The following PTPRK variants were observed in gnomAD, a reference collection of about 807,000 sequenced individuals.
PTPRK encodes protein tyrosine phosphatase receptor type K, also known as receptor-type tyrosine-protein phosphatase kappa.
PTPRK carries 75 observed loss-of-function variants against 178.0 expected under a neutral mutation model. That is an observed-to-expected ratio of 0.42 (90% CI 0.35 to 0.51). The LOEUF is 0.51. Among genes scored for constraint, PTPRK ranks in the 20% least tolerant of loss-of-function variants. The pLI is 0.02. For missense variants in PTPRK, 1,441 were observed against 1,797.8 expected, an observed-to-expected ratio of 0.80 and a Z score of 3.59; for synonymous variants, 637 against 620.6, an observed-to-expected ratio of 1.03 and a Z score of -0.39.
chr6:128,516,763 G>C (rs368007944), intron 1 of PTPRK, among the ~76,000 whole-genome samples: 2 of 152,156 alleles, frequency 1.3e-5, no homozygotes, highest in South Asian at 4.2e-4. Context: ...CTAGGTCATT[G>C]ATAAGACTGC....
intron 1 of PTPRK, among the ~76,000 whole-genome samples, chr6:128,399,500 A>G (rs1840751757): frequency 6.6e-6 from 1 of 152,236 alleles, no homozygotes; most frequent in South Asian, 2.1e-4. Flanking sequence ...TCATTAAAAA[A>G]GATGTACTTT....
At chr6:128,160,581 T>C (rs1415431137) in intron 7 of PTPRK, among the ~76,000 whole-genome samples, 1 of 151,656 alleles carries the variant, frequency 6.6e-6, no homozygotes, top group Non-Finnish European at 1.5e-5. Flanking sequence ...AGCAACTCTT[T>C]TCATTAGCCA....
At chr6:128,182,563 G>A (rs2114690064) in intron 7 of PTPRK, among the ~76,000 whole-genome samples, 1 of 152,140 alleles carries the variant, frequency 6.6e-6, no homozygotes, top group South Asian at 2.1e-4. Context: ...AATAGAGCAA[G>A]ACAAAAAAGC....
chr6:128,177,956 C>A (rs1182423017), intron 7 of PTPRK, among the ~76,000 whole-genome samples: 1 of 151,688 alleles, frequency 6.6e-6, no homozygotes, highest in Non-Finnish European at 1.5e-5. Flanking sequence ...CATTTTAATA[C>A]CTCCATCTGT....
intron 14 of PTPRK, 104 bp from the exon 15 acceptor site, chr6:128,005,348 C>A: frequency 8.6e-7 from 1 of 1,168,068 alleles, no homozygotes; most frequent in Non-Finnish European, 1.2e-6. Context: ...ATGTTACAAA[C>A]ATGGTTTAGA....
At chr6:128,199,236 T>A (rs1392947943) in intron 6 of PTPRK, among the ~76,000 whole-genome samples, 1 of 152,022 alleles carries the variant, frequency 6.6e-6, no homozygotes, top group Non-Finnish European at 1.5e-5. Flanking sequence ...ATCAGAAAAA[T>A]GAATAAATTG....
intron 1 of PTPRK, among the ~76,000 whole-genome samples, chr6:128,400,102 C>G (rs1195141173): frequency 6.6e-6 from 1 of 151,884 alleles, no homozygotes; most frequent in Non-Finnish European, 1.5e-5. Flanking sequence ...GCAAAAATAA[C>G]TGGACTGATA....
intron 13 of PTPRK, among the ~76,000 whole-genome samples, chr6:128,021,648 A>AT (rs1773536975): frequency 6.7e-6 from 1 of 149,182 alleles, no homozygotes; most frequent in Non-Finnish European, 1.5e-5. Flanking sequence ...TCAAAAAAAA[A>AT]GAAAGAAAGT....
chr6:128,168,528 G>A (rs1240819830), intron 7 of PTPRK, among the ~76,000 whole-genome samples: 1 of 152,044 alleles, frequency 6.6e-6, no homozygotes, highest in Admixed American at 6.6e-5. Context: ...CAGGAGGTGA[G>A]CGGAAGGCAA....
At chr6:128,298,770 A>T (rs1039562235) in intron 3 of PTPRK, among the ~76,000 whole-genome samples, 2 of 152,158 alleles carry the variant, frequency 1.3e-5, no homozygotes. Flanking sequence ...ATCATACTGA[A>T]TGGGCAAAAA....
chr6:128,144,709 TTGTTTA>T (rs1421418038), intron 7 of PTPRK, among the ~76,000 whole-genome samples: 2 of 152,146 alleles, frequency 1.3e-5, no homozygotes, highest in African/African-American at 2.4e-5. Context: ...GACAAGGACT[TTGTTTA>T]CTACTGAGTT....
At chr6:128,380,169 C>G (rs891413419) in intron 2 of PTPRK, among the ~76,000 whole-genome samples, 2 of 152,004 alleles carry the variant, frequency 1.3e-5, no homozygotes, top group African/African-American at 4.8e-5. Flanking sequence ...AAAAAACCTA[C>G]AGATATTAGC....
chr6:128,464,798 T>C (rs991923489), intron 1 of PTPRK, among the ~76,000 whole-genome samples: 2 of 149,990 alleles, frequency 1.3e-5, no homozygotes, highest in African/African-American at 4.9e-5. Context: ...ATGTTATTTT[T>C]TTTTAATTTA....
chr6:127,990,900 G>T lies in PTPRK; in HGVS notation c.2980-15C>A. On this transcript the variant is annotated splice_polypyrimidine_tract_variant and intron_variant, in intron 20 of 29. Coordinates refer to ENST00000368226, the MANE Select transcript of PTPRK (RefSeq NM_002844.4). ...TAGCATTTAACCTAAGTGACAAAAA[G>T]AATATATAGACAGACCTGAATATAT... 2.1e-6 allele frequency: 3 copies of T among 1,456,944 alleles called. No homozygotes were observed. Among genetic ancestry groups the T allele is most frequent in the Non-Finnish European group, 2.9e-6 (3 of 1,037,754 alleles). The allele number at this position is 1,456,944 out of a possible 1,614,324, so 90.3% of individuals were successfully genotyped here. A position where few individuals can be genotyped will look rare whatever the true frequency, so the allele number is the denominator to read the frequency against.
chr6:128,242,382 T>C (rs1319950822), intron 4 of PTPRK, 139 bp downstream of exon 4: 3 of 1,169,900 alleles, frequency 2.6e-6, no homozygotes, highest in Non-Finnish European at 3.4e-6. Context: ...CAGTTTCCTT[T>C]TAAAACTCAA....
chr6:127,991,581 GTT>G (rs55842054), intron 19 of PTPRK, among the ~76,000 whole-genome samples, 190 bp from the exon 20 acceptor site: 22,402 of 135,306 alleles, frequency 0.17, 1,920 homozygotes, highest in East Asian at 0.33. Flanking sequence ...GCATATACAA[GTT>G]TTTTTTTTTT....
intron 2 of PTPRK, among the ~76,000 whole-genome samples, chr6:128,353,417 G>T (rs943412990): frequency 6.6e-6 from 1 of 152,126 alleles, no homozygotes; most frequent in Non-Finnish European, 1.5e-5. Flanking sequence ...TTAGATGAGT[G>T]TTCATAGCTT....
intron 3 of PTPRK, among the ~76,000 whole-genome samples, chr6:128,260,953 C>T (rs1818086283): frequency 6.6e-6 from 1 of 152,062 alleles, no homozygotes; most frequent in Non-Finnish European, 1.5e-5. Flanking sequence ...CATGCATTTT[C>T]TTAGTTTTTC....
At chr6:128,140,178 C>T (rs1795572660) in intron 7 of PTPRK, among the ~76,000 whole-genome samples, 1 of 151,982 alleles carries the variant, frequency 6.6e-6, no homozygotes, top group African/African-American at 2.4e-5. Flanking sequence ...ACATTTATGA[C>T]AGCTGAACAT....
Sources: allele counts gnomAD v4.1 joint callset (sites outside exome capture counted in the v4.1 genomes callset), GRCh38; gene constraint gnomAD v4.1.1; transcripts MANE v1.5; gene names NCBI Gene and HGNC (gene_info 2026-07-23, HGNC 2026-07-21).